CHD1L: variants seen among roughly 807,000 people sequenced by gnomAD.
The protein encoded by CHD1L is ATP-dependent chromatin remodeler CHD1L.
A neutral mutation model predicts 115.9 loss-of-function variants in CHD1L; 118 were observed. The observed-to-expected ratio is 1.02, with a 90% CI of 0.88 to 1.19. CHD1L has a LOEUF of 1.19. Among genes scored for constraint, CHD1L ranks in the 50% most tolerant of loss-of-function variants. The probability of loss-of-function intolerance (pLI) is 0.00; values close to 1 mark genes in which losing one functional copy is unlikely to be tolerated. For synonymous variants in CHD1L, 411 were observed against 387.1 expected, an observed-to-expected ratio of 1.06 and a Z score of -0.72; for missense variants, 1,179 against 1,065.3, an observed-to-expected ratio of 1.11 and a Z score of -1.49.
At chr1:147,242,897 G>A in intron 1 of CHD1L, 67 bp downstream of exon 1, 1 of 1,238,064 alleles carries the variant, frequency 8.1e-7, no homozygotes, top group Non-Finnish European at 1.0e-6. Flanking sequence ...TTGCGGGCCG[G>A]GGGCGCAGCG....
the CHD1L span, among the ~76,000 whole-genome samples, chr1:147,221,295 T>C: frequency 1.3e-5 from 2 of 152,164 alleles, no homozygotes; most frequent in Admixed American, 6.5e-5. Flanking sequence ...TTAATAATAA[T>C]GTATCAATAT....
chr1:147,254,131 G>C (rs1233342345), intron 2 of CHD1L, among the ~76,000 whole-genome samples: 1 of 152,134 alleles, frequency 6.6e-6, no homozygotes, highest in African/African-American at 2.4e-5. Context: ...TATTTTCTCT[G>C]TATATTACAG....
At chr1:147,178,422 G>A in the CHD1L span, 3 of 1,611,656 alleles carry the variant, frequency 1.9e-6, no homozygotes, top group East Asian at 2.2e-5. Flanking sequence ...ATCCAACCCT[G>A]AATATGTTTA....
At chr1:147,174,251 G>A in the CHD1L span, among the ~76,000 whole-genome samples, 1 of 151,884 alleles carries the variant, frequency 6.6e-6, no homozygotes, top group Non-Finnish European at 1.5e-5. Context: ...ATGCTTTTTG[G>A]TTATCCCTAC....
chr1:147,218,384 C>T, the CHD1L span, among the ~76,000 whole-genome samples: 9 of 151,132 alleles, frequency 6.0e-5, 1 homozygote, highest in Non-Finnish European at 7.4e-5. Context: ...TACAGGCACG[C>T]GCCACTATGC....
intron 1 of CHD1L, among the ~76,000 whole-genome samples, chr1:147,246,817 GTTTT>G (rs1666769219): frequency 6.6e-6 from 1 of 151,960 alleles, no homozygotes; most frequent in Non-Finnish European, 1.5e-5. Flanking sequence ...TCTTACAAAA[GTTTT>G]AAATTTTGGC....
At position 147,260,134 on chromosome 1, in the gene CHD1L, A is replaced by C. The variant is rs1671435362; in HGVS notation, c.576+216A>C. The C allele has an allele frequency of 2.2e-5, 9 of 413,892 alleles. 1 individual carries two copies. In the South Asian group the frequency reaches 3.9e-4, roughly 18 times the overall value. 25.6% of individuals were successfully genotyped at this position (413,892 alleles called of 1,614,324 possible). A position where few individuals can be genotyped will look rare whatever the true frequency, so the allele number is the denominator to read the frequency against. ...CCCACCAGAGTGGCACAGTTGTTGC[A>C]ACTGATGAACCTACATTGATACATC... On this transcript the variant is annotated intron_variant, in intron 6 of 22. Coordinates refer to ENST00000369258, the MANE Select transcript of CHD1L (RefSeq NM_004284.6).
At chr1:147,215,739 C>A in the CHD1L span, 1 of 1,565,606 alleles carries the variant, frequency 6.4e-7, no homozygotes, top group Non-Finnish European at 8.7e-7. Context: ...CAAAGATACC[C>A]ACACAATTTT....
rs587598524 is a variant in CHD1L, at chr1:147,261,537, A to G, written c.576+1619A>G. On this transcript the variant is annotated intron_variant, in intron 6 of 22. Transcript: ENST00000369258. ...CTGAATTTTGAAGGAAACACATTCA[A>G]TCCATAGCAGTTGTCATATCCTGGC... is the stretch of plus-strand genomic sequence containing the variant. Among the ~76,000 whole-genome samples the G allele has an allele frequency of 9.9e-5, 15 of 152,268 alleles. No individual in the cohort carries two copies. In the South Asian group the frequency reaches 2.3e-3, roughly 23 times the overall value.
chr1:147,243,067 T>C lies in CHD1L; in HGVS notation c.127+237T>C, dbSNP rs1052797650. On this transcript the variant is annotated intron_variant, in intron 1 of 22. Coordinates refer to ENST00000369258, the MANE Select transcript of CHD1L (RefSeq NM_004284.6). ...CAGATGAATGAGGTCGCGGGCCCGGTAGCCAGGCCTGGCCCCTGGCCTGTG... is the reference window on the plus strand; with the variant it reads ...CAGATGAATGAGGTCGCGGGCCCGGCAGCCAGGCCTGGCCCCTGGCCTGTG... 4 of 357,360 alleles carry C rather than the reference T, an allele frequency of 1.1e-5. No individual in the cohort carries two copies. In the Admixed American group the frequency reaches 1.5e-4, roughly 13 times the overall value. 22.1% of individuals were successfully genotyped at this position (357,360 alleles called of 1,614,324 possible).
the CHD1L span, among the ~76,000 whole-genome samples, chr1:147,217,709 A>G: frequency 4.6e-5 from 7 of 152,304 alleles, no homozygotes; most frequent in African/African-American, 1.7e-4. Flanking sequence ...AATCTAGCCT[A>G]CCTGTTTCAA....
At chr1:147,263,086 C>T (rs376197154) in intron 6 of CHD1L, among the ~76,000 whole-genome samples, 1 of 150,122 alleles carries the variant, frequency 6.7e-6, no homozygotes, top group Non-Finnish European at 1.5e-5. Flanking sequence ...TGCATAGATA[C>T]ACTTACATAC....
At chr1:147,285,279 G>A in intron 16 of CHD1L, 45 bp from the exon 17 acceptor site, 1 of 1,585,536 alleles carries the variant, frequency 6.3e-7, no homozygotes, top group Non-Finnish European at 8.6e-7. Flanking sequence ...GAAATTCGGG[G>A]AGGAATCTTC....
At chr1:147,286,527 TG>T (rs781963784) in intron 18 of CHD1L, 27 bp downstream of exon 18, 1 of 1,605,214 alleles carries the variant, frequency 6.2e-7, no homozygotes, top group South Asian at 1.1e-5. Flanking sequence ...GGGCTGGGGA[TG>T]GGGGCCTCAG....
At chr1:147,177,317 A>T in the CHD1L span, among the ~76,000 whole-genome samples, 1 of 152,238 alleles carries the variant, frequency 6.6e-6, no homozygotes, top group Non-Finnish European at 1.5e-5. Context: ...TCAGCATTGG[A>T]TTTAACCCAA....
intron 14 of CHD1L, among the ~76,000 whole-genome samples, chr1:147,278,931 A>G (rs587627019): frequency 6.6e-6 from 1 of 152,320 alleles, no homozygotes; most frequent in South Asian, 2.1e-4. Flanking sequence ...CTTAATGACT[A>G]AGACACATTG....
chr1:147,209,147 C>T, the CHD1L span: 10 of 996,710 alleles, frequency 1.0e-5, no homozygotes, highest in East Asian at 1.1e-4. Context: ...AGGCCCGGCG[C>T]GGTGGCTCAC....
intron 10 of CHD1L, among the ~76,000 whole-genome samples, chr1:147,270,024 T>TTA (rs1180443258): frequency 9.2e-5 from 14 of 152,228 alleles, no homozygotes; most frequent in African/African-American, 2.9e-4. Flanking sequence ...CCCAGAAAGG[T>TTA]TATATGACTT....
In CHD1L at chr1:147,276,197, C is replaced by A; in HGVS notation, c.1479C>A (p.Ile493=). 1 of 1,614,184 alleles carries A rather than the reference C, an allele frequency of 6.2e-7. No individual in the cohort carries two copies. Among genetic ancestry groups the A allele is most frequent in the Non-Finnish European group, 8.5e-7 (1 of 1,180,024 alleles). Residue 493 remains isoleucine (I), a synonymous_variant, in exon 14 of 23, where the codon ATC becomes ATA. Transcript: ENST00000369258. The part of the protein sequence containing the change: ...AASKLQLTNM[I]IEGGHFTLGA... ...CCAAACTGCAGCTCACCAACATGATCATAGAAGGAGGCCATTTTACTCTGG... is the reference window on the plus strand; with the variant it reads ...CCAAACTGCAGCTCACCAACATGATAATAGAAGGAGGCCATTTTACTCTGG...
Sources: allele counts gnomAD v4.1 joint callset (sites outside exome capture counted in the v4.1 genomes callset), GRCh38; gene constraint gnomAD v4.1.1; transcripts MANE v1.5; gene names NCBI Gene and HGNC (gene_info 2026-07-23, HGNC 2026-07-21).